The following CSMD1 variants were observed in gnomAD, a reference collection of about 807,000 sequenced individuals.
The protein encoded by CSMD1 is CUB and sushi domain-containing protein 1.
A neutral mutation model predicts 417.5 loss-of-function variants in CSMD1; 213 were observed. The ratio of observed to expected loss-of-function variants is 0.51; its 90% CI spans 0.46 to 0.57. The LOEUF is 0.57. CSMD1 is among the 20% of genes least tolerant of loss of function. The probability of loss-of-function intolerance (pLI) is 0.00; values close to 1 mark genes in which losing one functional copy is unlikely to be tolerated. For synonymous variants in CSMD1, 2,862 were observed against 1,736.8 expected (o/e 1.65, Z -16.11); for missense variants, 6,923 against 4,529.7 (o/e 1.53, Z -15.17).
At chr8:2,975,806 G>C (rs1287480161) in intron 55 of CSMD1, among the ~76,000 whole-genome samples, 2 of 152,154 alleles carry the variant, frequency 1.3e-5, no homozygotes, top group Non-Finnish European at 2.9e-5. Flanking sequence ...TTCCCAAAGT[G>C]ACGACAATTC....
chr8:4,436,695 G>T (rs1798167730), intron 2 of CSMD1, among the ~76,000 whole-genome samples: 1 of 151,860 alleles, frequency 6.6e-6, no homozygotes, highest in East Asian at 1.9e-4. Context: ...ACAGCTTCTG[G>T]TAACCATCCT....
chr8:3,857,831 T>C (rs1169052630), intron 5 of CSMD1, among the ~76,000 whole-genome samples: 3 of 152,232 alleles, frequency 2.0e-5, no homozygotes, highest in Admixed American at 2.0e-4. Context: ...CTTATTCTTT[T>C]ATAAAATACC....
chr8:4,769,303 C>T (rs544200875), intron 1 of CSMD1, among the ~76,000 whole-genome samples: 3 of 152,090 alleles, frequency 2.0e-5, no homozygotes, highest in Non-Finnish European at 2.9e-5. Flanking sequence ...GAATCTTTCT[C>T]AGTGTGATTA....
intron 5 of CSMD1, among the ~76,000 whole-genome samples, chr8:3,756,361 A>C (rs1235046687): frequency 6.6e-6 from 1 of 152,068 alleles, no homozygotes; most frequent in Non-Finnish European, 1.5e-5. Context: ...TCAAAAAAAA[A>C]AAAAAATCAT....
chr8:4,388,784 C>A (rs1803644602), intron 3 of CSMD1, among the ~76,000 whole-genome samples: 1 of 152,202 alleles, frequency 6.6e-6, no homozygotes, highest in African/African-American at 2.4e-5. Flanking sequence ...TGTATTCAGT[C>A]CTTGATCCTC....
At chr8:4,295,689 TTA>T (rs199617618) in intron 3 of CSMD1, among the ~76,000 whole-genome samples, 2,511 of 144,576 alleles carry the variant, frequency 0.017, 48 homozygotes, top group Non-Finnish European at 0.028. Context: ...ATTATACATG[TTA>T]TATATGTTAT....
chr8:3,286,893 TTGCCCA>T, intron 25 of CSMD1, among the ~76,000 whole-genome samples: 5 of 152,342 alleles, frequency 3.3e-5, no homozygotes, highest in Admixed American at 3.3e-4. Context: ...CATGAAGTCC[TTGCCCA>T]TGCCTATGTC....
Position 4,314,436 on chromosome 8 carries a change from G to T in CSMD1, c.415+105517C>A, listed in dbSNP as rs373793347. Among the ~76,000 whole-genome samples the T allele has an allele frequency of 3.3e-5, 5 of 152,294 alleles. No homozygotes were observed. The East Asian group carries it at 9.6e-4, about 29-fold the overall frequency. ...AGTGTTCTATTTCAGGAAGCAGTAT[G>T]GGGTGTTTTAAAATATAAGCCAATT... On this transcript the variant is annotated intron_variant, in intron 3 of 69. Coordinates refer to ENST00000635120, the MANE Select transcript of CSMD1 (RefSeq NM_033225.6).
At chr8:4,228,438 C>T (rs974201995) in intron 3 of CSMD1, among the ~76,000 whole-genome samples, 1 of 152,132 alleles carries the variant, frequency 6.6e-6, no homozygotes, top group Non-Finnish European at 1.5e-5. Context: ...CACCTACACT[C>T]ATCTCAGGTC....
intron 22 of CSMD1, among the ~76,000 whole-genome samples, chr8:3,343,949 C>G (rs556192557): frequency 1.3e-5 from 2 of 152,248 alleles, no homozygotes; most frequent in South Asian, 2.1e-4. Context: ...ATTCTGTAGT[C>G]TGCAAGCCTC....
At chr8:4,751,218 C>G (rs1382750237) in intron 1 of CSMD1, among the ~76,000 whole-genome samples, 1 of 152,168 alleles carries the variant, frequency 6.6e-6, no homozygotes, top group Admixed American at 6.5e-5. Context: ...AGACCCATCT[C>G]TACTAAAAAT....
chr8:3,933,310 T>G (rs1810279548), intron 5 of CSMD1, among the ~76,000 whole-genome samples: 1 of 152,204 alleles, frequency 6.6e-6, no homozygotes, highest in Non-Finnish European at 1.5e-5. Flanking sequence ...TATTTATTTG[T>G]TAACTGAAGC....
chr8:3,892,417 C>A (rs1487235366), intron 5 of CSMD1, among the ~76,000 whole-genome samples: 1 of 152,050 alleles, frequency 6.6e-6, no homozygotes, highest in African/African-American at 2.4e-5. Context: ...GGAGAACTTC[C>A]CCAAAGCTTG....
At chr8:3,161,244 T>A (rs1287658843) in intron 38 of CSMD1, among the ~76,000 whole-genome samples, 1 of 152,140 alleles carries the variant, frequency 6.6e-6, no homozygotes, top group Admixed American at 6.6e-5. Flanking sequence ...AACTAGAAAA[T>A]ATTAATAATA....
At chr8:4,420,113 T>TG in intron 2 of CSMD1, 48 bp from the exon 3 acceptor site, 1 of 1,318,392 alleles carries the variant, frequency 7.6e-7, no homozygotes, top group South Asian at 1.3e-5. Context: ...CATGAATTTG[T>TG]CAAAAAAAGC....
chr8:3,773,575 C>G (rs928503647), intron 5 of CSMD1, among the ~76,000 whole-genome samples: 1 of 152,194 alleles, frequency 6.6e-6, no homozygotes, highest in African/African-American at 2.4e-5. Flanking sequence ...GCATGAGCCA[C>G]CACACCCGTC....
intron 10 of CSMD1, among the ~76,000 whole-genome samples, chr8:3,542,939 T>A (rs1193283933): frequency 6.6e-6 from 1 of 150,528 alleles, no homozygotes; most frequent in Non-Finnish European, 1.5e-5. Flanking sequence ...TCCTGAGACT[T>A]GGGGGACCCG....
At chr8:4,030,268 C>G (rs186021667) in intron 4 of CSMD1, among the ~76,000 whole-genome samples, 1,546 of 152,326 alleles carry the variant, frequency 0.01, 10 homozygotes, top group Non-Finnish European at 0.015. Context: ...CTGCACTGCC[C>G]TAGCAAAGGT....
chr8:3,541,713 T>A (rs930854200), intron 10 of CSMD1, among the ~76,000 whole-genome samples: 1 of 148,876 alleles, frequency 6.7e-6, no homozygotes, highest in Non-Finnish European at 1.5e-5. Flanking sequence ...CATTTTTCTT[T>A]ATCAACAATT....
Sources: allele counts gnomAD v4.1 joint callset (sites outside exome capture counted in the v4.1 genomes callset), GRCh38; gene constraint gnomAD v4.1.1; transcripts MANE v1.5; gene names NCBI Gene and HGNC (gene_info 2026-07-23, HGNC 2026-07-21).